The following GOSR1 variants were observed in gnomAD, a reference collection of about 807,000 sequenced individuals.
The protein encoded by GOSR1 is golgi SNAP receptor complex member 1.
A neutral mutation model predicts 35.5 loss-of-function variants in GOSR1; 21 were observed. The observed-to-expected ratio is 0.59, with a 90% CI of 0.42 to 0.85. The LOEUF is 0.85. Among genes scored for constraint, GOSR1 ranks in the 40% least tolerant of loss-of-function variants. The pLI, the probability that GOSR1 is intolerant of heterozygous loss-of-function variation, is 0.00. For synonymous variants in GOSR1, 94 were observed against 106.6 expected (o/e 0.88, Z 0.73); for missense variants, 285 against 309.6 (o/e 0.92, Z 0.60).
intron 4 of GOSR1, among the ~76,000 whole-genome samples, 187 bp from the exon 5 acceptor site, chr17:30,489,939 T>G (rs979806605): frequency 6.6e-6 from 1 of 152,234 alleles, no homozygotes; most frequent in Non-Finnish European, 1.5e-5. Context: ...TGAATTATTT[T>G]CACTTGAAAG....
At chr17:30,521,373 G>A (rs1968027899) in intron 8 of GOSR1, among the ~76,000 whole-genome samples, 1 of 151,184 alleles carries the variant, frequency 6.6e-6, no homozygotes, top group Admixed American at 6.6e-5. Flanking sequence ...TGTAGAGATG[G>A]GGTTTCACCA....
rs1040003316 is a variant in GOSR1, at chr17:30,524,223, AATAAT to A, written c.*1852_*1856del. 15 of 152,844 alleles carry A rather than the reference AATAAT, an allele frequency of 9.8e-5. No individual in the cohort carries two copies. The highest frequency in any genetic ancestry group is 3.1e-4 in the African/African-American group (13 of 41,444). 9.5% of individuals were successfully genotyped at this position (152,844 alleles called of 1,614,324 possible). On this transcript the variant is annotated 3_prime_UTR_variant, in exon 9 of 9. Coordinates refer to ENST00000451249, the MANE Select transcript of GOSR1 (RefSeq NM_001007025.2). ...CCCAAGAATGATCAATTAAAAAAAA[AATAAT>A]ATAATAATAATTCTTGTCCTCTTAT...
At position 30,514,539 on chromosome 17, in the gene GOSR1, C is replaced by T. The variant is rs115856854; in HGVS notation, c.539+3630C>T. ...GAAATAATTTTGAAATTTTTAAAGG[C>T]ATTGCTTCTAAAGTCCAGGCTGGCA... On this transcript the variant is annotated intron_variant, in intron 7 of 8. Transcript: ENST00000451249. Among the ~76,000 whole-genome samples the T allele has an allele frequency of 4.6e-3, 704 of 152,298 alleles. 4 individuals are homozygous for T. Among genetic ancestry groups the T allele is most frequent in the African/African-American group, 0.016 (680 of 41,558 alleles).
intron 4 of GOSR1, 75 bp from the exon 5 acceptor site, chr17:30,490,051 A>G (rs1914938432): frequency 4.3e-6 from 3 of 701,202 alleles, no homozygotes; most frequent in Non-Finnish European, 7.8e-6. Flanking sequence ...CAGTGTGATG[A>G]CGATACATAA....
chr17:30,497,107 T>A (rs901990423), intron 6 of GOSR1, among the ~76,000 whole-genome samples: 9 of 152,216 alleles, frequency 5.9e-5, no homozygotes, highest in African/African-American at 2.2e-4. Flanking sequence ...ACAGACTTCT[T>A]GCTGGGGGCA....
chr17:30,480,456 A>G (rs899911981), intron 1 of GOSR1, among the ~76,000 whole-genome samples: 4 of 152,228 alleles, frequency 2.6e-5, no homozygotes, highest in Non-Finnish European at 5.9e-5. Context: ...TAAGTTGATA[A>G]TGCTGGTCAT....
At chr17:30,503,294 G>A (rs1753302510) in intron 6 of GOSR1, among the ~76,000 whole-genome samples, 1 of 152,164 alleles carries the variant, frequency 6.6e-6, no homozygotes, top group Admixed American at 6.5e-5. Flanking sequence ...TTTTTAAAAA[G>A]AGAATTATTT....
chr17:30,501,489 G>GTTTTCT (rs1278376638), intron 6 of GOSR1, among the ~76,000 whole-genome samples: 4 of 151,362 alleles, frequency 2.6e-5, no homozygotes, highest in African/African-American at 4.8e-5. Context: ...ACGCAGTTTT[G>GTTTTCT]TTTTCTTTTT....
intron 7 of GOSR1, among the ~76,000 whole-genome samples, chr17:30,511,294 C>T (rs1377972569): frequency 2.0e-5 from 3 of 152,188 alleles, no homozygotes; most frequent in African/African-American, 7.2e-5. Context: ...AAATCTACTG[C>T]AGTAATAGTT....
intron 5 of GOSR1, among the ~76,000 whole-genome samples, chr17:30,492,051 G>A (rs1915081660): frequency 6.6e-6 from 1 of 151,882 alleles, no homozygotes; most frequent in South Asian, 2.1e-4. Flanking sequence ...TGCCAGTCTG[G>A]GTAACAAAGT....
intron 4 of GOSR1, chr17:30,484,974 A>G (rs1406843269): frequency 6.8e-6 from 4 of 586,210 alleles, no homozygotes; most frequent in Non-Finnish European, 1.2e-5. Flanking sequence ...AGCTCTTGCT[A>G]TTTCTTGGCG....
At position 30,490,085 on chromosome 17, in the gene GOSR1, A is replaced by G. The variant is rs373988936; in HGVS notation, c.343-41A>G. The G allele has an allele frequency of 5.5e-6, 5 of 913,220 alleles. No homozygotes were observed. The African/African-American group carries it at 8.1e-5, about 15-fold the overall frequency. 56.6% of individuals were successfully genotyped at this position (913,220 alleles called of 1,614,324 possible). On this transcript the variant is annotated intron_variant, in intron 4 of 8. Coordinates refer to ENST00000451249, the MANE Select transcript of GOSR1 (RefSeq NM_001007025.2). The stretch of plus-strand genomic sequence containing the variant: ...AACTGGTTCAGTGAGATGAAAATCC[A>G]TAATTAGCTTCTGTTGAGACTGGAT...
At chr17:30,490,056 A>T (rs1383740707) in intron 4 of GOSR1, 70 bp from the exon 5 acceptor site, 15 of 748,442 alleles carry the variant, frequency 2.0e-5, no homozygotes, top group Non-Finnish European at 3.4e-5. Flanking sequence ...TGATGACGAT[A>T]CATAACTGGT....
chr17:30,498,416 C>G (rs925695530), intron 6 of GOSR1, among the ~76,000 whole-genome samples: 5 of 152,050 alleles, frequency 3.3e-5, no homozygotes, highest in African/African-American at 1.2e-4. Flanking sequence ...ATCGGTAGTT[C>G]CAGTGCAAAG....
chr17:30,498,747 G>T (rs1967091816), intron 6 of GOSR1, among the ~76,000 whole-genome samples: 1 of 152,132 alleles, frequency 6.6e-6, no homozygotes, highest in Non-Finnish European at 1.5e-5. Flanking sequence ...GTCTCACTCT[G>T]GCACCTGAAG....
At chr17:30,497,269 C>A (rs1041179923) in intron 6 of GOSR1, among the ~76,000 whole-genome samples, 19 of 152,160 alleles carry the variant, frequency 1.2e-4, no homozygotes, top group African/African-American at 4.6e-4. Context: ...AAGTATATTT[C>A]TTGGTTTCTA....
intron 6 of GOSR1, among the ~76,000 whole-genome samples, chr17:30,498,377 G>C (rs914072171): frequency 2.0e-5 from 3 of 152,288 alleles, no homozygotes; most frequent in East Asian, 3.9e-4. Context: ...GCTCAGCCAG[G>C]TGGGGTGGGG....
In GOSR1 at chr17:30,516,477, A is replaced by AAAAAAAG. The variant is rs1245285520; in HGVS notation, c.540-3457_540-3456insAGAAAAA. ...AGAGCAAGACTCCGTCTCAAACAAA[A>AAAAAAAG]AAAAAGAAAAAGAAAAAGTCAGTCT... On this transcript the variant is annotated intron_variant, in intron 7 of 8. Coordinates refer to ENST00000451249, the MANE Select transcript of GOSR1 (RefSeq NM_001007025.2). Among the ~76,000 whole-genome samples the AAAAAAAG allele has an allele frequency of 1.9e-4, 29 of 150,016 alleles. 1 individual carries two copies. The South Asian group carries it at 2.3e-3, about 12-fold the overall frequency.
At chr17:30,478,435 C>T (rs1284925763) in intron 1 of GOSR1, 2 of 152,154 alleles carry the variant, frequency 1.3e-5, no homozygotes, top group Admixed American at 6.5e-5. Flanking sequence ...ATCATACTTT[C>T]AAAATGCTTT....
Sources: gnomAD v4.1 joint callset for allele counts (sites outside exome capture counted in the v4.1 genomes callset) on GRCh38, gnomAD v4.1.1 for gene constraint, MANE v1.5 for transcripts, NCBI Gene and HGNC (gene_info 2026-07-23, HGNC 2026-07-21) for gene names.